RBFOX1: variants seen among roughly 807,000 people sequenced by gnomAD.
RBFOX1 encodes RNA binding fox-1 homolog 1, also known as RNA binding protein fox-1 homolog 1.
A neutral mutation model predicts 57.7 loss-of-function variants in RBFOX1; 8 were observed. The observed-to-expected ratio is 0.14, with a 90% CI of 0.08 to 0.25. The LOEUF (loss-of-function observed/expected upper bound fraction) is 0.25, where lower values mean the gene tolerates loss of function less well. Among genes scored for constraint, RBFOX1 ranks in the 10% least tolerant of loss-of-function variants. RBFOX1 has a pLI of 1.00. For synonymous variants in RBFOX1, 326 were observed against 222.4 expected (o/e 1.47, Z -4.15); for missense variants, 611 against 548.5 (o/e 1.11, Z -1.14).
At chr16:5,490,392 G>C (rs946922679) in intron 2 of RBFOX1, among the ~76,000 whole-genome samples, 5 of 152,192 alleles carry the variant, frequency 3.3e-5, no homozygotes, top group African/African-American at 9.6e-5. Context: ...CCTGGAACCA[G>C]GACTTGAACC....
intron 3 of RBFOX1, among the ~76,000 whole-genome samples, chr16:6,700,360 A>C (rs532790863): frequency 1.5e-3 from 159 of 103,180 alleles, no homozygotes; most frequent in African/African-American, 3.5e-3. Flanking sequence ...GTTAAAACAA[A>C]AAAAAAAAGA....
intron 2 of RBFOX1, among the ~76,000 whole-genome samples, chr16:6,353,241 C>T (rs2086704180): frequency 6.6e-6 from 1 of 152,090 alleles, no homozygotes; most frequent in Non-Finnish European, 1.5e-5. Flanking sequence ...TATCATACGT[C>T]CTCCATCTGA....
At chr16:6,344,408 T>TTTTTTTTTTTTC (rs1491369440) in intron 2 of RBFOX1, among the ~76,000 whole-genome samples, 1 of 41,942 alleles carries the variant, frequency 2.4e-5, no homozygotes, top group African/African-American at 2.1e-4. Flanking sequence ...CTTTTTTTTC[T>TTTTTTTTTTTTC]TTTTTTTTTT....
intron 1 of RBFOX1, among the ~76,000 whole-genome samples, chr16:5,276,612 G>GT (rs201454237): frequency 0.016 from 2,501 of 152,244 alleles, 32 homozygotes; most frequent in Non-Finnish European, 0.026. Flanking sequence ...GTGAAACCCC[G>GT]TCTCTACTGA....
chr16:6,821,471 A>C (rs2154276867), intron 3 of RBFOX1, among the ~76,000 whole-genome samples: 1 of 152,340 alleles, frequency 6.6e-6, no homozygotes, highest in African/African-American at 2.4e-5. Flanking sequence ...AATGTTGTGC[A>C]ACTACCACCT....
At position 6,254,552 on chromosome 16, in the gene RBFOX1, T is replaced by C. The variant is rs374087851; in HGVS notation, c.-126-62443T>C. Among the ~76,000 whole-genome samples, 79 of 152,306 alleles carry C rather than the reference T, an allele frequency of 5.2e-4. 2 individuals carry two copies. In the South Asian group the frequency reaches 0.014, roughly 28 times the overall value. On this transcript the variant is annotated intron_variant, in intron 1 of 15. Coordinates refer to ENST00000550418, the MANE Select transcript of RBFOX1 (RefSeq NM_018723.4). ...CATACCATCTTGGGCAAGGTGACTA[T>C]GTATTCTTAAACTTGGTTTATTTTC...
At chr16:7,620,463 T>G (rs2059137598) in intron 10 of RBFOX1, among the ~76,000 whole-genome samples, 2 of 152,222 alleles carry the variant, frequency 1.3e-5, no homozygotes, top group Non-Finnish European at 2.9e-5. Flanking sequence ...TGCATTTGCC[T>G]CCTCTATGTC....
intron 3 of RBFOX1, among the ~76,000 whole-genome samples, chr16:6,833,678 A>T (rs890193765): frequency 1.3e-5 from 2 of 152,234 alleles, no homozygotes; most frequent in Admixed American, 6.5e-5. Context: ...AATTGACTGG[A>T]TGCCAAATAG....
intron 1 of RBFOX1, among the ~76,000 whole-genome samples, chr16:5,420,893 C>T (rs1304358489): frequency 2.1e-4 from 25 of 120,100 alleles, no homozygotes; most frequent in Middle Eastern, 4.9e-3. Context: ...CCCTCCTCCT[C>T]TCCCTCCTCC....
intron 3 of RBFOX1, among the ~76,000 whole-genome samples, chr16:5,636,026 T>C (rs1462364998): frequency 1.3e-5 from 2 of 151,836 alleles, no homozygotes; most frequent in Admixed American, 6.6e-5. Context: ...CTGGGCAACA[T>C]AGTGGGACCC....
chr16:7,187,573 C>T (rs529718193), intron 4 of RBFOX1, among the ~76,000 whole-genome samples: 1 of 151,354 alleles, frequency 6.6e-6, no homozygotes, highest in South Asian at 2.1e-4. Context: ...CCTGTAGTCC[C>T]ACCTACTCGG....
intron 2 of RBFOX1, among the ~76,000 whole-genome samples, chr16:6,487,013 T>G (rs1224720916): frequency 1.3e-5 from 2 of 149,612 alleles, no homozygotes; most frequent in East Asian, 3.8e-4. Flanking sequence ...ATACAGTGTT[T>G]GGTTTGGAAA....
intron 1 of RBFOX1, among the ~76,000 whole-genome samples, chr16:5,461,353 CT>C (rs2068782076): frequency 6.6e-6 from 1 of 152,180 alleles, no homozygotes; most frequent in Non-Finnish European, 1.5e-5. Flanking sequence ...CCCACGCCTC[CT>C]TTCCCCTGGA....
intron 1 of RBFOX1, among the ~76,000 whole-genome samples, chr16:6,288,522 C>T (rs1165850240): frequency 6.6e-6 from 1 of 152,188 alleles, no homozygotes; most frequent in Non-Finnish European, 1.5e-5. Context: ...TGACAAACCA[C>T]ATACATGTCC....
chr16:6,487,683 AAAAAAAAAAAAAAAAAAATATATATATAT>A (rs1249710006), intron 2 of RBFOX1, among the ~76,000 whole-genome samples: 18 of 13,290 alleles, frequency 1.4e-3, no homozygotes, highest in African/African-American at 1.9e-3. Context: ...TAAAAAAAAA[AAAAAAAAAAAAAAAAAAATATATATATAT>A]ATATATATAT....
At chr16:6,397,325 A>T (rs1369732792) in intron 2 of RBFOX1, among the ~76,000 whole-genome samples, 10 of 152,202 alleles carry the variant, frequency 6.6e-5, no homozygotes, top group Admixed American at 2.0e-4. Flanking sequence ...TACATGGGGC[A>T]TAGTGATATC....
intron 3 of RBFOX1, among the ~76,000 whole-genome samples, chr16:6,862,326 C>T (rs994794936): frequency 1.3e-5 from 2 of 152,020 alleles, no homozygotes; most frequent in Non-Finnish European, 2.9e-5. Context: ...AGCTCACAGG[C>T]GATGCTGATC....
At position 6,861,134 on chromosome 16, in the gene RBFOX1, C is replaced by G. The variant is rs540378048; in HGVS notation, c.-15-190923C>G. Among the ~76,000 whole-genome samples the G allele has an allele frequency of 7.2e-5, 11 of 152,104 alleles. 1 individual carries two copies. The South Asian group carries it at 1.7e-3, about 23-fold the overall frequency. ...GCGGGGTGGACATACGGCATTTGCTCCAGCATCTTCCGTATTTTTTATATG... is the reference window on the plus strand; with the variant it reads ...GCGGGGTGGACATACGGCATTTGCTGCAGCATCTTCCGTATTTTTTATATG... On this transcript the variant is annotated intron_variant, in intron 3 of 15. Coordinates refer to ENST00000550418, the MANE Select transcript of RBFOX1 (RefSeq NM_018723.4).
intron 3 of RBFOX1, among the ~76,000 whole-genome samples, chr16:5,756,953 A>T (rs1433187068): frequency 6.6e-6 from 1 of 152,224 alleles, no homozygotes; most frequent in East Asian, 1.9e-4. Context: ...GTATTATCTT[A>T]ACACAATAGA....
Sources: allele counts gnomAD v4.1 joint callset (sites outside exome capture counted in the v4.1 genomes callset), GRCh38; gene constraint gnomAD v4.1.1; transcripts MANE v1.5; gene names NCBI Gene and HGNC (gene_info 2026-07-23, HGNC 2026-07-21).